GLT8D2: variants seen among roughly 807,000 people sequenced by gnomAD.
GLT8D2 encodes glycosyltransferase 8 domain containing 2.
A neutral mutation model predicts 44.5 loss-of-function variants in GLT8D2; 45 were observed. The ratio of observed to expected loss-of-function variants is 1.01; its 90% CI spans 0.80 to 1.30. The LOEUF (loss-of-function observed/expected upper bound fraction) is 1.30, where lower values mean the gene tolerates loss of function less well. Ranked by LOEUF, GLT8D2 falls within the 50% of genes most tolerant of loss-of-function variation. The pLI is 0.00. For missense variants in GLT8D2, 400 were observed against 430.4 expected (o/e 0.93, Z 0.62); for synonymous variants, 156 against 157.2 (o/e 0.99, Z 0.06).
chr12:104,010,249 C>T (rs1300144944), intron 4 of GLT8D2, among the ~76,000 whole-genome samples: 1 of 152,158 alleles, frequency 6.6e-6, no homozygotes, highest in Non-Finnish European at 1.5e-5. Flanking sequence ...ACTTCTCCAG[C>T]CTCACCTCCT....
chr12:104,026,344 G>A (rs1250774195), intron 1 of GLT8D2, among the ~76,000 whole-genome samples: 1 of 151,444 alleles, frequency 6.6e-6, no homozygotes, highest in African/African-American at 2.4e-5. Context: ...GGCAAGAAAA[G>A]GGTTGATCTA....
upstream of GLT8D2, chr12:104,064,297 T>G (rs919314254): frequency 7.8e-6 from 3 of 385,542 alleles, no homozygotes; most frequent in Admixed American, 4.6e-5. The surrounding 1 kb of genome is among the most constrained non-coding windows in gnomAD (Gnocchi z 7.3). Flanking sequence ...ATGGGAGACG[T>G]GGTCAGTGGG....
intron 5 of GLT8D2, among the ~76,000 whole-genome samples, 174 bp from the exon 6 acceptor site, chr12:103,999,688 T>A (rs532505536): frequency 6.6e-6 from 1 of 152,328 alleles, no homozygotes; most frequent in South Asian, 2.1e-4. Flanking sequence ...CTGGTCTGAC[T>A]TTAAATCTTT....
chr12:104,030,643 TAAG>T, intron 1 of GLT8D2: 1 of 1,340,442 alleles, frequency 7.5e-7, no homozygotes, highest in South Asian at 1.4e-5. Context: ...ATATACCTGA[TAAG>T]AAGTTAATAT....
intron 5 of GLT8D2, 145 bp downstream of exon 5, chr12:104,002,990 C>G (rs201774447): frequency 1.4e-4 from 85 of 602,458 alleles, no homozygotes; most frequent in South Asian, 9.1e-4. Context: ...GAGAGAGAGA[C>G]AGAAAGAGAG....
chr12:103,997,445 G>A lies in GLT8D2; in HGVS notation c.487+6C>T, dbSNP rs748312915. ...TCCAAGTGTTCTTGGCAGTTAGCGA[G>A]AGTACCTTGTACAATTACATCATCG... On this transcript the variant is annotated splice_donor_region_variant and intron_variant, in intron 7 of 10. Coordinates refer to ENST00000360814, the MANE Select transcript of GLT8D2 (RefSeq NM_001384711.1). 4.4e-6 allele frequency: 7 copies of A among 1,597,108 alleles called. No individual in the cohort carries two copies. Among genetic ancestry groups the A allele is most frequent in the Non-Finnish European group, 6.0e-6 (7 of 1,164,524 alleles).
chr12:103,992,936 GGTCAA>G (rs1471268587), intron 10 of GLT8D2, among the ~76,000 whole-genome samples: 1 of 152,168 alleles, frequency 6.6e-6, no homozygotes, highest in African/African-American at 2.4e-5. Flanking sequence ...GAGCACTGAG[GGTCAA>G]GTCATTTGTC....
upstream of GLT8D2, among the ~76,000 whole-genome samples, chr12:104,051,551 T>C (rs1318502448): frequency 1.3e-5 from 2 of 152,230 alleles, no homozygotes; most frequent in Non-Finnish European, 2.9e-5. Flanking sequence ...CAGAACACTG[T>C]AATTAGCATA....
chr12:104,040,692 G>A (rs1181499143), intron 1 of GLT8D2, among the ~76,000 whole-genome samples: 1 of 151,976 alleles, frequency 6.6e-6, no homozygotes, highest in African/African-American at 2.4e-5. Flanking sequence ...CCAAAGTGCT[G>A]GGATTACAGG....
intron 4 of GLT8D2, among the ~76,000 whole-genome samples, chr12:104,009,939 C>CT (rs987857126): frequency 3.9e-5 from 6 of 152,076 alleles, no homozygotes; most frequent in Admixed American, 2.0e-4. Flanking sequence ...AATTAAACCT[C>CT]TTTTTTTCCT....
upstream of GLT8D2, among the ~76,000 whole-genome samples, chr12:104,051,307 G>C (rs1166879765): frequency 6.6e-6 from 1 of 151,794 alleles, no homozygotes; most frequent in Non-Finnish European, 1.5e-5. Context: ...TTTTCTAGTA[G>C]CCACATTAAG....
chr12:104,011,821 A>G (rs1245586454), intron 4 of GLT8D2, among the ~76,000 whole-genome samples: 4 of 152,156 alleles, frequency 2.6e-5, no homozygotes, highest in African/African-American at 9.7e-5. Flanking sequence ...ATAACAATAT[A>G]TAACACAACC....
At chr12:104,003,551 T>C (rs1053719772) in intron 4 of GLT8D2, among the ~76,000 whole-genome samples, 6 of 152,204 alleles carry the variant, frequency 3.9e-5, no homozygotes, top group African/African-American at 9.6e-5. Flanking sequence ...TTCTGACCAA[T>C]GGGATGTTGG....
chr12:104,014,367 A>G, intron 4 of GLT8D2: 2 of 665,836 alleles, frequency 3.0e-6, no homozygotes, highest in South Asian at 1.6e-5. Flanking sequence ...AAAAAAAAGT[A>G]AATTAATTAA....
rs1012592355 is a variant in GLT8D2 at position 103,993,296 on chromosome 12, A to T, written c.880+96T>A. On this transcript the variant is annotated intron_variant, in intron 10 of 10. Coordinates refer to ENST00000360814, the MANE Select transcript of GLT8D2 (RefSeq NM_001384711.1). The stretch of plus-strand genomic sequence containing the variant: ...CAGTGAGCCGAGATCACGCCATTGC[A>T]CTCCAGCCTGGGCAGCAGAGCGAGA... The T allele has an allele frequency of 2.5e-5, 23 of 925,382 alleles. No homozygotes were observed. In the Admixed American group the frequency reaches 3.2e-4, roughly 13 times the overall value. The allele number at this position is 925,382 out of a possible 1,614,324, so 57.3% of individuals were successfully genotyped here.
chr12:104,029,354 T>C (rs1464830929), intron 1 of GLT8D2, among the ~76,000 whole-genome samples: 1 of 152,178 alleles, frequency 6.6e-6, no homozygotes, highest in Non-Finnish European at 1.5e-5. Flanking sequence ...ACAAAGTTTA[T>C]TTTTGGGAAA....
At chr12:103,997,179 C>CT (rs779279970) in intron 7 of GLT8D2, among the ~76,000 whole-genome samples, 2 of 152,196 alleles carry the variant, frequency 1.3e-5, no homozygotes, top group Non-Finnish European at 2.9e-5. Flanking sequence ...ATCCGTGACA[C>CT]TTTATTTCCG....
At chr12:104,000,257 GAT>G (rs1874021923) in intron 5 of GLT8D2, among the ~76,000 whole-genome samples, 1 of 152,088 alleles carries the variant, frequency 6.6e-6, no homozygotes, top group Admixed American at 6.6e-5. Flanking sequence ...ATTAAAAAAA[GAT>G]AGACTAACAG....
chr12:104,013,737 G>T (rs185183144), intron 4 of GLT8D2, among the ~76,000 whole-genome samples: 1 of 152,084 alleles, frequency 6.6e-6, no homozygotes, highest in Admixed American at 6.5e-5. Flanking sequence ...TGGAATAAAT[G>T]TATGTAACAC....
Sources: allele counts gnomAD v4.1 joint callset (sites outside exome capture counted in the v4.1 genomes callset), GRCh38; gene constraint gnomAD v4.1.1; non-coding constraint Gnocchi (gnomAD v3.1); transcripts MANE v1.5; gene names NCBI Gene and HGNC (gene_info 2026-07-23, HGNC 2026-07-21).